The following DOCK3 variants were observed in gnomAD, a reference collection of about 807,000 sequenced individuals.
DOCK3 encodes the protein dedicator of cytokinesis 3.
Under a neutral mutation model 265.6 loss-of-function variants are expected in DOCK3, and 60 were observed. The ratio of observed to expected loss-of-function variants is 0.23; its 90% CI spans 0.18 to 0.28. The LOEUF (loss-of-function observed/expected upper bound fraction) is 0.28, where lower values mean the gene tolerates loss of function less well. Ranked by LOEUF, DOCK3 falls within the 10% of genes least tolerant of loss-of-function variation. DOCK3 has a pLI of 1.00. For missense variants in DOCK3, 1,981 were observed against 2,594.3 expected, an observed-to-expected ratio of 0.76 and a Z score of 5.14; for synonymous variants, 881 against 938.0, an observed-to-expected ratio of 0.94 and a Z score of 1.11.
At chr3:51,104,789 A>T (rs553932559) in intron 9 of DOCK3, among the ~76,000 whole-genome samples, 49 of 152,128 alleles carry the variant, frequency 3.2e-4, no homozygotes, top group Admixed American at 1.5e-3. Context: ...TAATTTTTAA[A>T]ATGTTTTTAA....
chr3:50,688,530 T>C (rs1172113439), intron 1 of DOCK3, among the ~76,000 whole-genome samples: 1 of 152,196 alleles, frequency 6.6e-6, no homozygotes, highest in African/African-American at 2.4e-5. Context: ...TGGTGCAATC[T>C]CGGCTCGCTG....
intron 1 of DOCK3, among the ~76,000 whole-genome samples, chr3:50,722,944 G>A (rs938352881): frequency 2.0e-5 from 3 of 151,728 alleles, no homozygotes; most frequent in African/African-American, 7.3e-5. Context: ...GCTAATTTTT[G>A]TACTTGTTTT....
intron 5 of DOCK3, among the ~76,000 whole-genome samples, chr3:50,986,131 T>A (rs1212619013): frequency 6.6e-6 from 1 of 152,160 alleles, no homozygotes; most frequent in Non-Finnish European, 1.5e-5. Context: ...TAACATTTAC[T>A]GAGAACCTAC....
chr3:50,893,264 C>A, intron 4 of DOCK3: 2 of 306,684 alleles, frequency 6.5e-6, no homozygotes, highest in Non-Finnish European at 1.3e-5. Context: ...ATAACAGACC[C>A]TAAAGAAAAG....
intron 5 of DOCK3, among the ~76,000 whole-genome samples, chr3:51,041,443 T>C (rs865897262): frequency 2.6e-5 from 4 of 151,548 alleles, no homozygotes; most frequent in Non-Finnish European, 5.9e-5. Context: ...GGTCTCGATC[T>C]CCTGACCTCA....
At chr3:51,369,147 C>T (rs577301996) in intron 49 of DOCK3, among the ~76,000 whole-genome samples, 71 of 152,340 alleles carry the variant, frequency 4.7e-4, no homozygotes, top group Non-Finnish European at 9.4e-4. Context: ...TCCAAAGGAA[C>T]GCAGCTCCTC....
At chr3:50,868,346 A>G (rs527590864) in intron 3 of DOCK3, among the ~76,000 whole-genome samples, 6 of 152,164 alleles carry the variant, frequency 3.9e-5, no homozygotes, top group Non-Finnish European at 8.8e-5. Context: ...TGCTGGGATT[A>G]CAGGCGTAAG....
chr3:51,332,954 G>T, intron 33 of DOCK3, 47 bp from the exon 34 acceptor site: 7 of 1,612,972 alleles, frequency 4.3e-6, no homozygotes, highest in Non-Finnish European at 5.9e-6. Flanking sequence ...ATTTGTTGCT[G>T]CCAGTTCAGT....
At chr3:50,783,236 C>T (rs1030482993) in intron 2 of DOCK3, among the ~76,000 whole-genome samples, 3 of 152,006 alleles carry the variant, frequency 2.0e-5, no homozygotes, top group African/African-American at 7.2e-5. Flanking sequence ...ACTTTTTGTT[C>T]TTTAAGGAAT....
At chr3:50,939,694 C>T (rs1178188431) in intron 5 of DOCK3, among the ~76,000 whole-genome samples, 1 of 152,120 alleles carries the variant, frequency 6.6e-6, no homozygotes, top group African/African-American at 2.4e-5. Context: ...ATGATAACAA[C>T]TCTCAGTAAA....
At chr3:50,760,227 A>G (rs1319564580) in intron 1 of DOCK3, among the ~76,000 whole-genome samples, 2 of 152,150 alleles carry the variant, frequency 1.3e-5, no homozygotes, top group African/African-American at 4.8e-5. Context: ...TGTGGTATCC[A>G]GTTTTCCACC....
intron 3 of DOCK3, among the ~76,000 whole-genome samples, chr3:50,850,782 A>G (rs564683020): frequency 6.6e-6 from 1 of 152,290 alleles, no homozygotes; most frequent in Admixed American, 6.5e-5. Flanking sequence ...CTATGCACAC[A>G]CTTTGGCAGG....
At chr3:51,213,741 C>A (rs1404503193) in intron 13 of DOCK3, among the ~76,000 whole-genome samples, 1 of 152,108 alleles carries the variant, frequency 6.6e-6, no homozygotes, top group Non-Finnish European at 1.5e-5. Context: ...CTTCTTTGGT[C>A]ATGTTTGTTT....
chr3:51,278,122 C>G (rs1366633008), intron 26 of DOCK3: 2 of 985,288 alleles, frequency 2.0e-6, no homozygotes, highest in East Asian at 2.3e-4. Flanking sequence ...TACAGGTTCT[C>G]CTAAATGATG....
intron 35 of DOCK3, 131 bp downstream of exon 35, chr3:51,333,384 A>G: frequency 1.1e-6 from 1 of 908,580 alleles, no homozygotes; most frequent in Non-Finnish European, 1.8e-6. Context: ...GGGTGCCATC[A>G]CCAGTCAATA....
At chr3:51,149,295 T>G (rs2085458827) in intron 10 of DOCK3, among the ~76,000 whole-genome samples, 1 of 152,164 alleles carries the variant, frequency 6.6e-6, no homozygotes, top group Non-Finnish European at 1.5e-5. Flanking sequence ...ACAGGGACAA[T>G]TTGACTTCCT....
chr3:51,364,573 G>C (rs996143459), intron 49 of DOCK3, among the ~76,000 whole-genome samples: 30 of 152,186 alleles, frequency 2.0e-4, no homozygotes, highest in African/African-American at 7.2e-4. Context: ...CCTATGTCCT[G>C]AATGGTATTG....
chr3:50,918,181 C>G lies in DOCK3; in HGVS notation c.219-15800C>G, dbSNP rs1046378705. Among the ~76,000 whole-genome samples the G allele has an allele frequency of 2.6e-5, 4 of 152,066 alleles. No homozygotes were observed. The East Asian group carries it at 7.7e-4, about 29-fold the overall frequency. On this transcript the variant is annotated intron_variant, in intron 4 of 52. Transcript: ENST00000266037. ...TCATTGATGGACATTTGGGTTGGTT[C>G]CAAGTCTTTGCTATTGTGAATAGTG...
intron 2 of DOCK3, among the ~76,000 whole-genome samples, chr3:50,784,754 T>C (rs2042100582): frequency 6.6e-6 from 1 of 152,196 alleles, no homozygotes. Flanking sequence ...TCGTAAGTAT[T>C]TTATTTTATT....
Sources: allele counts gnomAD v4.1 joint callset (sites outside exome capture counted in the v4.1 genomes callset), GRCh38; gene constraint gnomAD v4.1.1; transcripts MANE v1.5; gene names NCBI Gene and HGNC (gene_info 2026-07-23, HGNC 2026-07-21).